The following MARCHF4 variants were observed in gnomAD, a reference collection of about 807,000 sequenced individuals.
MARCHF4 encodes membrane associated ring-CH-type finger 4.
MARCHF4 carries 14 observed loss-of-function variants against 43.9 expected under a neutral mutation model. The observed-to-expected ratio is 0.32, with a 90% CI of 0.21 to 0.50. MARCHF4 has a LOEUF of 0.50. Ranked by LOEUF, MARCHF4 falls within the 20% of genes least tolerant of loss-of-function variation. MARCHF4 has a pLI of 0.98. For missense variants in MARCHF4, 468 were observed against 536.7 expected, an observed-to-expected ratio of 0.87 and a Z score of 1.27; for synonymous variants, 226 against 213.3, an observed-to-expected ratio of 1.06 and a Z score of -0.52.
intron 3 of MARCHF4, among the ~76,000 whole-genome samples, chr2:216,276,601 T>G (rs1559087513): frequency 6.6e-6 from 1 of 152,164 alleles, no homozygotes. Context: ...CCAAAGAAAT[T>G]CACACAAACG....
chr2:216,322,136 A>C (rs1691906706), intron 1 of MARCHF4, among the ~76,000 whole-genome samples: 1 of 152,222 alleles, frequency 6.6e-6, no homozygotes, highest in Non-Finnish European at 1.5e-5. Context: ...TGAATTGCCA[A>C]AGATGTCTAC....
At chr2:216,353,852 G>T (rs148697998) in intron 1 of MARCHF4, among the ~76,000 whole-genome samples, 316 of 152,212 alleles carry the variant, frequency 2.1e-3, no homozygotes, top group African/African-American at 7.4e-3. Context: ...CTGGCCTCCA[G>T]TTTCTCACTT....
intron 1 of MARCHF4, among the ~76,000 whole-genome samples, chr2:216,340,535 C>A (rs1222111541): frequency 6.6e-6 from 1 of 152,204 alleles, no homozygotes; most frequent in African/African-American, 2.4e-5. Flanking sequence ...ATTCCACCAG[C>A]ACCTACTCTT....
At chr2:216,369,684 G>C in intron 1 of MARCHF4, 61 bp downstream of exon 1, 2 of 1,378,492 alleles carry the variant, frequency 1.5e-6, no homozygotes, top group Non-Finnish European at 2.0e-6. Flanking sequence ...AAGCAGGCGA[G>C]TAGCAATCTG....
chr2:216,340,793 A>G (rs1692224385), intron 1 of MARCHF4, among the ~76,000 whole-genome samples: 1 of 152,204 alleles, frequency 6.6e-6, no homozygotes, highest in African/African-American at 2.4e-5. Context: ...AGTATAGTAT[A>G]TAAAACAATA....
intron 2 of MARCHF4, among the ~76,000 whole-genome samples, chr2:216,282,718 G>A (rs1403401052): frequency 6.6e-6 from 1 of 152,188 alleles, no homozygotes; most frequent in East Asian, 1.9e-4. Context: ...GATGTGTCAG[G>A]GCAGGGATAG....
At chr2:216,320,651 CTTTCTTTCTTTCTTTCTTTCTTTCT>C (rs1559098588) in intron 1 of MARCHF4, among the ~76,000 whole-genome samples, 9 of 118,744 alleles carry the variant, frequency 7.6e-5, no homozygotes, top group African/African-American at 2.3e-4. Context: ...TTCTTTCTTT[CTTTCTTTCTTTCTTTCTTTCTTTCT>C]TTTTTTTTTT....
At chr2:216,302,115 A>G (rs1349331468) in intron 1 of MARCHF4, among the ~76,000 whole-genome samples, 1 of 152,258 alleles carries the variant, frequency 6.6e-6, no homozygotes, top group East Asian at 1.9e-4. Flanking sequence ...CAAAATTTGC[A>G]GTAAACTCTA....
At chr2:216,307,660 C>T (rs1205743182) in intron 1 of MARCHF4, among the ~76,000 whole-genome samples, 7 of 152,152 alleles carry the variant, frequency 4.6e-5, no homozygotes, top group East Asian at 1.9e-4. Flanking sequence ...GAGCCCTGCC[C>T]GCTTGGCTTC....
intron 1 of MARCHF4, among the ~76,000 whole-genome samples, chr2:216,361,899 A>G (rs1198791663): frequency 6.6e-6 from 1 of 152,200 alleles, no homozygotes; most frequent in African/African-American, 2.4e-5. Context: ...CTCTCATTCA[A>G]TTAGCAGTTG....
At position 216,370,009 on chromosome 2, in the gene MARCHF4, G is replaced by C. The variant is rs1461494605; in HGVS notation, c.252C>G (p.Ala84=). 6.5e-7 allele frequency: 1 copy of C among 1,539,992 alleles called. No homozygotes were observed. Among genetic ancestry groups the C allele is most frequent in the East Asian group, 2.4e-5 (1 of 40,930 alleles). The stretch of plus-strand genomic sequence containing the variant: ...GGCCCCTCCAGCCTGCCCACCCCCC[G>C]GCGCCCAGAGCCGGAAGGGTGTTGT... ...AANNTLPALG[A]GGWAGWRGPR... The change falls in exon 1 of 4, where the codon GCC becomes GCG. Residue 84 remains alanine, a synonymous_variant. Transcript: ENST00000273067.
At chr2:216,281,912 C>A (rs1460698174) in intron 2 of MARCHF4, among the ~76,000 whole-genome samples, 8 of 152,072 alleles carry the variant, frequency 5.3e-5, no homozygotes, top group African/African-American at 1.4e-4. Flanking sequence ...TCATTTTTTA[C>A]CCCCAGGAAA....
intron 1 of MARCHF4, among the ~76,000 whole-genome samples, chr2:216,299,021 G>C (rs115660887): frequency 1.5e-4 from 23 of 152,218 alleles, no homozygotes; most frequent in African/African-American, 5.3e-4. Flanking sequence ...TTGAGGTTTT[G>C]TCCTTTCTCC....
intron 1 of MARCHF4, among the ~76,000 whole-genome samples, chr2:216,307,715 G>A (rs539250601): frequency 1.3e-5 from 2 of 152,270 alleles, no homozygotes; most frequent in East Asian, 3.9e-4. Context: ...ACTGAATACA[G>A]GTTGAAACCA....
At chr2:216,263,191 C>T (rs1159289909) in intron 3 of MARCHF4, among the ~76,000 whole-genome samples, 1 of 152,190 alleles carries the variant, frequency 6.6e-6, no homozygotes, top group Admixed American at 6.5e-5. Context: ...CTTTGGGAGG[C>T]CGCGGCAGGT....
rs753833125 is a variant in MARCHF4 at position 216,277,869 on chromosome 2, A to C, written c.673-5T>G. ...CGTCAGAGAGATGGCCTGCCACTGC[A>C]GGGGAGAGAGTGGCCAGTTAGCAGT... On this transcript the variant is annotated splice_region_variant and splice_polypyrimidine_tract_variant and intron_variant, in intron 2 of 3. Coordinates refer to ENST00000273067, the MANE Select transcript of MARCHF4 (RefSeq NM_020814.3). The C allele has an allele frequency of 3.4e-5, 55 of 1,601,896 alleles. No homozygotes were observed. Among genetic ancestry groups the C allele is most frequent in the Non-Finnish European group, 4.5e-5 (53 of 1,170,308 alleles).
chr2:216,285,568 G>A (rs936672164), intron 1 of MARCHF4, among the ~76,000 whole-genome samples: 3 of 152,236 alleles, frequency 2.0e-5, no homozygotes, highest in African/African-American at 7.2e-5. Flanking sequence ...TGAACGAGAA[G>A]TTTTGCTTCT....
chr2:216,362,303 T>G (rs1692596635), intron 1 of MARCHF4, among the ~76,000 whole-genome samples: 1 of 152,220 alleles, frequency 6.6e-6, no homozygotes, highest in Non-Finnish European at 1.5e-5. Context: ...CACAAATATG[T>G]CTTCTACCAC....
At position 216,329,999 on chromosome 2, in the gene MARCHF4, C is replaced by T. The variant is rs527765156; in HGVS notation, c.516+39746G>A. ...CTTGGGAGGCTGAGGCAAGAGGATTCCTTGCCTCAAATTCCTGCAGCCCAG... is the reference window on the plus strand; with the variant it reads ...CTTGGGAGGCTGAGGCAAGAGGATTTCTTGCCTCAAATTCCTGCAGCCCAG... On this transcript the variant is annotated intron_variant, in intron 1 of 3. Coordinates refer to ENST00000273067, the MANE Select transcript of MARCHF4 (RefSeq NM_020814.3). Among the ~76,000 whole-genome samples, 9 of 151,946 alleles carry T rather than the reference C, an allele frequency of 5.9e-5. No individual in the cohort carries two copies. In the South Asian group the frequency reaches 1.9e-3, roughly 32 times the overall value.
Sources: allele counts gnomAD v4.1 joint callset (sites outside exome capture counted in the v4.1 genomes callset), GRCh38; gene constraint gnomAD v4.1.1; transcripts MANE v1.5; gene names NCBI Gene and HGNC (gene_info 2026-07-23, HGNC 2026-07-21).